Variants in FYB1 observed in about 807,000 individuals in gnomAD.
The protein encoded by FYB1 is FYN binding protein 1, also known as FYN-binding protein 1.
A neutral mutation model predicts 94.1 loss-of-function variants in FYB1; 41 were observed. The observed-to-expected ratio is 0.44, with a 90% confidence interval of 0.34 to 0.57. The LOEUF is 0.57. Among genes scored for constraint, FYB1 ranks in the 20% least tolerant of loss-of-function variants. FYB1 has a pLI of 0.02. For missense variants in FYB1, 1,050 were observed against 976.8 expected (o/e 1.07, Z -1.00); for synonymous variants, 367 against 353.2 (o/e 1.04, Z -0.44).
At chr5:39,253,037 C>G (rs1238752852) in intron 1 of FYB1, among the ~76,000 whole-genome samples, 1 of 152,174 alleles carries the variant, frequency 6.6e-6, no homozygotes, top group African/African-American at 2.4e-5. Flanking sequence ...TAGCTCAGGA[C>G]AATGCTATGC....
At chr5:39,233,300 A>G (rs1365267421) in intron 1 of FYB1, among the ~76,000 whole-genome samples, 1 of 152,166 alleles carries the variant, frequency 6.6e-6, no homozygotes, top group East Asian at 1.9e-4. Flanking sequence ...GACTGGATGA[A>G]GAACCATGGT....
At chr5:39,204,126 G>A (rs1056935224) in intron 1 of FYB1, among the ~76,000 whole-genome samples, 7 of 151,990 alleles carry the variant, frequency 4.6e-5, no homozygotes, top group Admixed American at 4.6e-4. Flanking sequence ...ATCTTTCAAG[G>A]TGCAAAACCA....
intron 2 of FYB1, among the ~76,000 whole-genome samples, chr5:39,181,351 C>T (rs891567468): frequency 4.0e-5 from 6 of 151,454 alleles, no homozygotes; most frequent in Non-Finnish European, 8.8e-5. Context: ...TAAGATGTGG[C>T]TAGTGCAACT....
intron 1 of FYB1, among the ~76,000 whole-genome samples, chr5:39,248,883 A>G (rs981760610): frequency 1.3e-5 from 2 of 152,256 alleles, no homozygotes; most frequent in African/African-American, 4.8e-5. Flanking sequence ...TAGAATGGAC[A>G]AAGATACCAT....
intron 1 of FYB1, among the ~76,000 whole-genome samples, chr5:39,227,660 T>C (rs1750540112): frequency 6.6e-6 from 1 of 152,248 alleles, no homozygotes; most frequent in African/African-American, 2.4e-5. Context: ...CAAAGTCTGA[T>C]TCTCTGATGC....
chr5:39,204,322 T>C (rs1456969988), intron 1 of FYB1, among the ~76,000 whole-genome samples: 1 of 152,174 alleles, frequency 6.6e-6, no homozygotes, highest in Non-Finnish European at 1.5e-5. Flanking sequence ...AATGACATTA[T>C]TTAACCCCAT....
At chr5:39,152,178 C>T (rs16868193) in intron 3 of FYB1, among the ~76,000 whole-genome samples, 15,776 of 152,050 alleles carry the variant, frequency 0.1, 1,280 homozygotes, top group East Asian at 0.4. Context: ...GGTGTGCAGC[C>T]CATTAATATA....
chr5:39,151,795 C>T (rs185196195), intron 3 of FYB1, among the ~76,000 whole-genome samples: 3 of 152,152 alleles, frequency 2.0e-5, no homozygotes, highest in African/African-American at 4.8e-5. Context: ...TGCAGGTTGG[C>T]AGAGGGAATG....
intron 1 of FYB1, among the ~76,000 whole-genome samples, chr5:39,205,634 G>C (rs1748775582): frequency 6.6e-6 from 1 of 152,112 alleles, no homozygotes; most frequent in Non-Finnish European, 1.5e-5. Flanking sequence ...TCAATGTCCT[G>C]GCTTTGGTTT....
chr5:39,211,387 C>A (rs1039142203), intron 1 of FYB1, among the ~76,000 whole-genome samples: 2 of 150,378 alleles, frequency 1.3e-5, no homozygotes, highest in African/African-American at 4.9e-5. Flanking sequence ...GTGGCGCGAT[C>A]TCGGCCCACT....
At chr5:39,173,343 C>A (rs10941421) in intron 2 of FYB1, among the ~76,000 whole-genome samples, 13,766 of 152,068 alleles carry the variant, frequency 0.091, 1,138 homozygotes, top group East Asian at 0.4. Flanking sequence ...GGATATTAGA[C>A]CTTTGTCAGA....
At chr5:39,117,682 T>C (rs1186262193) in intron 16 of FYB1, among the ~76,000 whole-genome samples, 1 of 152,122 alleles carries the variant, frequency 6.6e-6, no homozygotes, top group African/African-American at 2.4e-5. Flanking sequence ...TCAATTCCTG[T>C]CCCTGAGTCA....
chr5:39,239,770 A>G (rs1408032569), intron 1 of FYB1, among the ~76,000 whole-genome samples: 2 of 152,158 alleles, frequency 1.3e-5, no homozygotes, highest in African/African-American at 4.8e-5. Context: ...TAATTCTATC[A>G]AACTATAAAT....
intron 1 of FYB1, among the ~76,000 whole-genome samples, chr5:39,264,298 A>G (rs750807315): frequency 1.3e-5 from 2 of 152,242 alleles, no homozygotes; most frequent in Admixed American, 6.5e-5. Flanking sequence ...ATGTGAGGAC[A>G]CAGCAAGAAG....
intron 16 of FYB1, among the ~76,000 whole-genome samples, chr5:39,115,631 G>A (rs1739493343): frequency 1.3e-5 from 2 of 152,132 alleles, no homozygotes; most frequent in African/African-American, 4.8e-5. Flanking sequence ...TCATCTAGGA[G>A]AGGGAGGGTT....
chr5:39,265,401 G>A (rs1032778640), intron 1 of FYB1, among the ~76,000 whole-genome samples: 4 of 151,518 alleles, frequency 2.6e-5, no homozygotes, highest in African/African-American at 7.3e-5. Context: ...GGAGAATGGC[G>A]TGAACCCGGG....
At chr5:39,159,902 T>C (rs1744094676) in intron 2 of FYB1, among the ~76,000 whole-genome samples, 1 of 152,202 alleles carries the variant, frequency 6.6e-6, no homozygotes, top group African/African-American at 2.4e-5. Flanking sequence ...ATCTTAAACA[T>C]GGTCTGATAT....
At chr5:39,137,970 G>A (rs552286295) in intron 6 of FYB1, 32 of 476,590 alleles carry the variant, frequency 6.7e-5, no homozygotes, top group Admixed American at 4.3e-4. Flanking sequence ...GGAAGCCACC[G>A]TTTATAGAGG....
intron 3 of FYB1, among the ~76,000 whole-genome samples, chr5:39,145,009 T>G (rs2150340814): frequency 6.6e-6 from 1 of 152,302 alleles, no homozygotes; most frequent in East Asian, 1.9e-4. Context: ...TGAAATTATA[T>G]GATGTTTTGT....
Sources: gnomAD v4.1 joint callset for allele counts (sites outside exome capture counted in the v4.1 genomes callset) on GRCh38, gnomAD v4.1.1 for gene constraint, MANE v1.5 for transcripts, NCBI Gene and HGNC (gene_info 2026-07-23, HGNC 2026-07-21) for gene names.